SLC25A26: variants seen among roughly 807,000 people sequenced by gnomAD.
SLC25A26 encodes the protein mitochondrial S-adenosylmethionine carrier protein.
SLC25A26 carries 36 observed loss-of-function variants against 37.8 expected under a neutral mutation model. The ratio of observed to expected loss-of-function variants is 0.95; its 90% CI spans 0.73 to 1.26. The LOEUF (loss-of-function observed/expected upper bound fraction) is 1.26, where lower values mean the gene tolerates loss of function less well. SLC25A26 is among the 50% of genes most tolerant of loss of function. The pLI is 0.00. For synonymous variants in SLC25A26, 129 were observed against 122.5 expected (o/e 1.05, Z -0.35); for missense variants, 390 against 331.1 (o/e 1.18, Z -1.38).
intron 5 of SLC25A26, among the ~76,000 whole-genome samples, chr3:66,281,503 G>A (rs910812268): frequency 9.2e-5 from 14 of 152,076 alleles, no homozygotes; most frequent in Non-Finnish European, 1.3e-4. Flanking sequence ...GCATTCTTCT[G>A]TAGGGAAGAG....
intron 5 of SLC25A26, among the ~76,000 whole-genome samples, chr3:66,332,103 A>G (rs1490896044): frequency 6.6e-6 from 1 of 151,834 alleles, no homozygotes; most frequent in Non-Finnish European, 1.5e-5. Flanking sequence ...TAGCCTGGCT[A>G]ATTTTTGTAT....
intron 1 of SLC25A26, among the ~76,000 whole-genome samples, chr3:66,206,785 A>T (rs1292115819): frequency 6.6e-6 from 1 of 150,572 alleles, no homozygotes; most frequent in East Asian, 2.0e-4. Context: ...TAGTCATTGT[A>T]ACCTCCACCT....
intron 5 of SLC25A26, among the ~76,000 whole-genome samples, chr3:66,287,835 T>C (rs188571339): frequency 6.6e-6 from 1 of 152,366 alleles, no homozygotes; most frequent in East Asian, 1.9e-4. Context: ...TAGCACTGCC[T>C]TCTTAGAATT....
At chr3:66,235,455 T>A (rs1156378242) in intron 1 of SLC25A26, among the ~76,000 whole-genome samples, 1 of 17,428 alleles carries the variant, frequency 5.7e-5, no homozygotes, top group Admixed American at 7.7e-4. Flanking sequence ...TTTAGGAATT[T>A]AGCTCTTAAA....
At chr3:66,219,249 G>T (rs2106854493), upstream of SLC25A26, among the ~76,000 whole-genome samples, 1 of 152,248 alleles carries the variant, frequency 6.6e-6, no homozygotes, top group South Asian at 2.1e-4. Context: ...AAGTAGGCAG[G>T]ATTCTAAGGT....
In SLC25A26 at chr3:66,155,494, C is replaced by T. The variant is rs146935604; in HGVS notation, c.-354+21510C>T. ...TTGTGCCACTGCACTCCAGCCTGGG[C>T]GACTGAGCAAGACCCTGTCTCCAAA... On this transcript the variant is annotated intron_variant, in intron 1 of 10. Transcript: ENST00000676754. Among the ~76,000 whole-genome samples the T allele has an allele frequency of 1.6e-3, 237 of 151,964 alleles. 1 individual carries two copies. The highest frequency in any genetic ancestry group is 2.9e-3 in the Non-Finnish European group (196 of 67,972).
intron 5 of SLC25A26, among the ~76,000 whole-genome samples, chr3:66,286,464 A>C (rs533008696): frequency 1.6e-4 from 24 of 151,688 alleles, no homozygotes; most frequent in African/African-American, 5.8e-4. Context: ...TTTTTTCCTC[A>C]CTGAAATGCT....
At chr3:66,183,551 A>T (rs2070758026) in intron 1 of SLC25A26, among the ~76,000 whole-genome samples, 1 of 151,810 alleles carries the variant, frequency 6.6e-6, no homozygotes, top group Non-Finnish European at 1.5e-5. Context: ...ATTGACCTTT[A>T]TCGTGATGTT....
intron 5 of SLC25A26, among the ~76,000 whole-genome samples, chr3:66,276,537 G>T (rs2107405447): frequency 6.6e-6 from 1 of 152,194 alleles, no homozygotes; most frequent in South Asian, 2.1e-4. Context: ...ACAATGAGAT[G>T]CTTCTAAAAC....
chr3:66,167,530 C>A (rs566751719), intron 1 of SLC25A26, among the ~76,000 whole-genome samples: 40 of 152,138 alleles, frequency 2.6e-4, no homozygotes, highest in Admixed American at 1.2e-3. Flanking sequence ...TTAAGACATG[C>A]TTCTTTGACT....
At chr3:66,213,768 CTG>C (rs1419194724) in intron 1 of SLC25A26, among the ~76,000 whole-genome samples, 5 of 152,046 alleles carry the variant, frequency 3.3e-5, no homozygotes, top group Admixed American at 3.3e-4. Flanking sequence ...AAAAAATTCT[CTG>C]TGCTTCACCT....
At chr3:66,238,896 A>G (rs150872482) in intron 2 of SLC25A26, among the ~76,000 whole-genome samples, 20,769 of 152,100 alleles carry the variant, frequency 0.14, 1,603 homozygotes, top group East Asian at 0.3. Context: ...GCAGGCTCAC[A>G]TAGTGTAACT....
intron 5 of SLC25A26, among the ~76,000 whole-genome samples, chr3:66,291,530 C>G (rs1342589739): frequency 6.6e-6 from 1 of 152,146 alleles, no homozygotes; most frequent in Non-Finnish European, 1.5e-5. Context: ...TTTCAAAGAA[C>G]TTATTTATTT....
chr3:66,318,177 G>A (rs1047283507), intron 5 of SLC25A26, among the ~76,000 whole-genome samples: 8 of 152,286 alleles, frequency 5.3e-5, no homozygotes, highest in African/African-American at 1.9e-4. Flanking sequence ...GTCCTGCCTC[G>A]CTGGGGTTCC....
At chr3:66,209,901 TATA>T (rs2071258268) in intron 1 of SLC25A26, among the ~76,000 whole-genome samples, 3 of 14,484 alleles carry the variant, frequency 2.1e-4, no homozygotes, top group Non-Finnish European at 4.1e-4. Context: ...TCTCTATTTA[TATA>T]TATATATATA....
At chr3:66,305,773 G>A (rs1463317694) in intron 5 of SLC25A26, among the ~76,000 whole-genome samples, 1 of 152,096 alleles carries the variant, frequency 6.6e-6, no homozygotes, top group Non-Finnish European at 1.5e-5. Flanking sequence ...ACATGTGCGT[G>A]TGTCTTTGTA....
rs963138739 is a variant in SLC25A26, at chr3:66,211,520, T to C, written c.-353-9222T>C. ...CGGCTCTTAATATAGCTTGCACTTA[T>C]TGCTGCCTCCCCCGGTCTTTCCATC... On this transcript the variant is annotated intron_variant, in intron 1 of 10. Coordinates refer to the SLC25A26 transcript ENST00000676754. Among the ~76,000 whole-genome samples, 390 of 152,330 alleles carry C rather than the reference T, an allele frequency of 2.6e-3. 1 individual carries two copies. The highest frequency in any genetic ancestry group is 9.2e-3 in the African/African-American group (382 of 41,574).
intron 1 of SLC25A26, among the ~76,000 whole-genome samples, chr3:66,210,037 A>G (rs1165452450): frequency 2.7e-5 from 4 of 145,832 alleles, no homozygotes; most frequent in Non-Finnish European, 6.0e-5. Flanking sequence ...TCGGATGCCT[A>G]TTGGACCTTC....
At chr3:66,370,685 T>A (rs1396933567) in intron 9 of SLC25A26, 83 bp downstream of exon 9, 1 of 1,041,824 alleles carries the variant, frequency 9.6e-7, no homozygotes, top group Non-Finnish European at 1.4e-6. Flanking sequence ...ACACCTCTCC[T>A]TCCCTTCTGC....
Sources: allele counts gnomAD v4.1 joint callset (sites outside exome capture counted in the v4.1 genomes callset), GRCh38; gene constraint gnomAD v4.1.1; transcripts MANE v1.5; gene names NCBI Gene and HGNC (gene_info 2026-07-23, HGNC 2026-07-21).